Variants in SMOC1 observed in about 807,000 individuals in gnomAD.
The protein encoded by SMOC1 is SPARC related modular calcium binding 1.
Under a neutral mutation model 56.3 loss-of-function variants are expected in SMOC1, and 22 were observed. The ratio of observed to expected loss-of-function variants is 0.39; its 90% CI spans 0.28 to 0.56. The LOEUF (loss-of-function observed/expected upper bound fraction) is 0.56, where lower values mean the gene tolerates loss of function less well. Ranked by LOEUF, SMOC1 falls within the 20% of genes least tolerant of loss-of-function variation. The pLI is 0.61. For missense variants in SMOC1, 509 were observed against 565.4 expected (o/e 0.90, Z 1.01); for synonymous variants, 193 against 215.0 (o/e 0.90, Z 0.89).
chr14:69,879,896 A>G (rs1234699237), intron 1 of SMOC1, 119 bp downstream of exon 1: 7 of 885,842 alleles, frequency 7.9e-6, no homozygotes, highest in Middle Eastern at 2.2e-4. Context: ...TCCTCTGTCT[A>G]CTACCAGGTC....
intron 1 of SMOC1, among the ~76,000 whole-genome samples, chr14:69,933,378 T>C (rs1885216298): frequency 6.6e-6 from 1 of 152,066 alleles, no homozygotes; most frequent in South Asian, 2.1e-4. Flanking sequence ...TTTTTTTCAC[T>C]ACGGTTAGTT....
intron 3 of SMOC1, among the ~76,000 whole-genome samples, chr14:69,974,036 T>C (rs1234985328): frequency 2.0e-5 from 3 of 152,256 alleles, no homozygotes; most frequent in Admixed American, 6.5e-5. Flanking sequence ...ATTGCATTTT[T>C]ATAATTGATG....
intron 1 of SMOC1, among the ~76,000 whole-genome samples, chr14:69,928,451 T>TAGAGCC (rs1458635612): frequency 6.6e-6 from 1 of 152,212 alleles, no homozygotes; most frequent in Non-Finnish European, 1.5e-5. Context: ...TGTTTGAGGC[T>TAGAGCC]AGAGCCAGAG....
chr14:69,988,606 A>G (rs1283684033), intron 5 of SMOC1, among the ~76,000 whole-genome samples: 1 of 152,202 alleles, frequency 6.6e-6, no homozygotes, highest in Non-Finnish European at 1.5e-5. Context: ...TAAATATACA[A>G]CCCAATGAAT....
At chr14:69,950,929 G>C (rs938550133) in intron 1 of SMOC1, among the ~76,000 whole-genome samples, 58 of 152,180 alleles carry the variant, frequency 3.8e-4, no homozygotes, top group Non-Finnish European at 7.6e-4. Context: ...AGTTCTGTGG[G>C]TTAACTGGGC....
At chr14:69,953,677 C>T in intron 3 of SMOC1, 145 bp downstream of exon 3, 2 of 742,562 alleles carry the variant, frequency 2.7e-6, no homozygotes, top group South Asian at 3.0e-5. Context: ...GTGCTGCCTT[C>T]CCCCTCTCTG....
rs556508816 is a variant in SMOC1, at chr14:70,030,072, G to A, written c.1292-170G>A. Among the ~76,000 whole-genome samples, 3 of 152,288 alleles carry A rather than the reference G, an allele frequency of 2.0e-5. No homozygotes were observed. In the South Asian group the frequency reaches 6.2e-4, roughly 32 times the overall value. ...AAAACATGCTCATCTGCAAGTCCAG[G>A]CAACCTGTGCCCCACCTAGCCTCAT... On this transcript the variant is annotated intron_variant, in intron 11 of 11. Transcript: ENST00000361956.
chr14:69,939,151 G>A (rs1237602563), intron 1 of SMOC1, among the ~76,000 whole-genome samples: 2 of 152,128 alleles, frequency 1.3e-5, no homozygotes, highest in Admixed American at 6.5e-5. Context: ...CTGTTCTCAC[G>A]CTGCTAATAA....
At chr14:69,993,272 G>A (rs945243432) in intron 6 of SMOC1, among the ~76,000 whole-genome samples, 2 of 152,164 alleles carry the variant, frequency 1.3e-5, no homozygotes, top group African/African-American at 2.4e-5. Flanking sequence ...GAGGCTGGAA[G>A]TCTCTGGAGG....
intron 1 of SMOC1, among the ~76,000 whole-genome samples, chr14:69,904,766 C>T (rs1342516994): frequency 6.6e-6 from 1 of 152,220 alleles, no homozygotes; most frequent in Non-Finnish European, 1.5e-5. Context: ...GAAACTCGGT[C>T]TCATAGGTGA....
intron 5 of SMOC1, among the ~76,000 whole-genome samples, chr14:69,990,023 G>C (rs1167191377): frequency 1.3e-5 from 2 of 152,198 alleles, no homozygotes; most frequent in Admixed American, 1.3e-4. Flanking sequence ...ACCTCCCCGT[G>C]GCAGAGCAGC....
At chr14:70,011,701 A>C in intron 9 of SMOC1, 134 bp downstream of exon 9, 1 of 826,324 alleles carries the variant, frequency 1.2e-6, no homozygotes, top group Non-Finnish European at 2.0e-6. Context: ...TGGGATCTAC[A>C]TCCTGGTCTG....
chr14:69,967,522 G>C (rs981058606), intron 3 of SMOC1, among the ~76,000 whole-genome samples: 6 of 152,134 alleles, frequency 3.9e-5, no homozygotes, highest in African/African-American at 1.4e-4. Flanking sequence ...TGTACCCCAA[G>C]ACAGTTCTTC....
Position 70,024,325 on chromosome 14 carries a change from A to G in SMOC1, c.1291+878A>G, listed in dbSNP as rs115750313. Among the ~76,000 whole-genome samples the G allele has an allele frequency of 5.3e-3, 811 of 152,282 alleles. 4 individuals carry two copies. The highest frequency in any genetic ancestry group is 0.019 in the African/African-American group (783 of 41,544). ...CCTTGAAAAACTTTTGAAGGAAGCGATGCCTAAACCAGGGCTCAGCAAACA... is the reference window on the plus strand; with the variant it reads ...CCTTGAAAAACTTTTGAAGGAAGCGGTGCCTAAACCAGGGCTCAGCAAACA... On this transcript the variant is annotated intron_variant, in intron 11 of 11. Coordinates refer to ENST00000361956, the MANE Select transcript of SMOC1 (RefSeq NM_001034852.3).
At chr14:69,968,398 C>T (rs1883646548) in intron 3 of SMOC1, among the ~76,000 whole-genome samples, 2 of 152,162 alleles carry the variant, frequency 1.3e-5, no homozygotes, top group African/African-American at 4.8e-5. Flanking sequence ...AATCTTCTCC[C>T]TCAGATTCTG....
chr14:69,945,112 A>C (rs148862460), intron 1 of SMOC1, among the ~76,000 whole-genome samples: 1 of 152,312 alleles, frequency 6.6e-6, no homozygotes, highest in African/African-American at 2.4e-5. Context: ...GTAAGGTTTG[A>C]TATTCATTCA....
In SMOC1 at chr14:69,975,563, A is replaced by G. The variant is rs1883916805; in HGVS notation, c.379-152A>G. 7.1e-6 allele frequency: 5 copies of G among 708,902 alleles called. No individual in the cohort carries two copies. The Admixed American group carries it at 1.0e-4, about 14-fold the overall frequency. 43.9% of individuals were successfully genotyped at this position (708,902 alleles called of 1,614,324 possible). A position where few individuals can be genotyped will look rare whatever the true frequency, so the allele number is the denominator to read the frequency against. On this transcript the variant is annotated intron_variant, in intron 3 of 11. Transcript: ENST00000361956. ...CCCAGTGCTGTTCACTGACTGGACC[A>G]CCCATGAGAGACACTCTGGAGACAG...
chr14:70,023,511 G>A, intron 11 of SMOC1, 64 bp downstream of exon 11: 1 of 1,606,950 alleles, frequency 6.2e-7, no homozygotes, highest in Non-Finnish European at 8.5e-7. Context: ...ATGGGACCAA[G>A]GGCTCTCTGA....
chr14:70,028,410 T>C (rs1886011338), intron 11 of SMOC1, among the ~76,000 whole-genome samples: 1 of 152,176 alleles, frequency 6.6e-6, no homozygotes, highest in South Asian at 2.1e-4. Flanking sequence ...GAATTTGCTT[T>C]GCCGCATGGA....
Sources: gnomAD v4.1 joint callset for allele counts (sites outside exome capture counted in the v4.1 genomes callset) on GRCh38, gnomAD v4.1.1 for gene constraint, MANE v1.5 for transcripts, NCBI Gene and HGNC (gene_info 2026-07-23, HGNC 2026-07-21) for gene names.